The following ANO3 variants were observed in gnomAD, a reference collection of about 807,000 sequenced individuals.
ANO3 encodes anoctamin-3.
In ANO3, 99 loss-of-function variants were observed where a neutral mutation model predicts 144.8. That is an observed-to-expected ratio of 0.68 (90% CI 0.58 to 0.81). The LOEUF is 0.81. Among genes scored for constraint, ANO3 ranks in the 30% least tolerant of loss-of-function variants. The pLI is 0.00. For synonymous variants in ANO3, 414 were observed against 392.6 expected, an observed-to-expected ratio of 1.05 and a Z score of -0.64; for missense variants, 905 against 1,202.2, an observed-to-expected ratio of 0.75 and a Z score of 3.66.
chr11:26,266,882 C>T (rs1182195039), intron 1 of ANO3, among the ~76,000 whole-genome samples: 2 of 150,970 alleles, frequency 1.3e-5, no homozygotes, highest in Non-Finnish European at 3.0e-5. Context: ...GAGATCGAGA[C>T]CATCCTGGCT....
In ANO3 at chr11:26,642,947, T is replaced by A. The variant is rs985705925; in HGVS notation, c.2276-235T>A. 2.0e-5 allele frequency among the ~76,000 whole-genome samples: 3 copies of A among 152,136 alleles called. No individual in the cohort carries two copies. The East Asian group carries it at 5.8e-4, about 29-fold the overall frequency. ...GCATTATATAGAGGTGGAAAGCCCA[T>A]AGACTTTCAATACATTCAGAACTTA... is the stretch of plus-strand genomic sequence containing the variant. On this transcript the variant is annotated intron_variant, in intron 22 of 26. Transcript: ENST00000256737.
chr11:26,247,889 T>A (rs1023310172), intron 1 of ANO3, among the ~76,000 whole-genome samples: 9 of 151,296 alleles, frequency 5.9e-5, no homozygotes, highest in African/African-American at 2.2e-4. Context: ...GCCACCACAC[T>A]CAGCTAATTT....
At chr11:26,630,146 A>C (rs1852729507) in intron 18 of ANO3, among the ~76,000 whole-genome samples, 1 of 152,210 alleles carries the variant, frequency 6.6e-6, no homozygotes. Context: ...ACTTGTCAGA[A>C]GAGTGGATGA....
chr11:26,494,916 G>A (rs1860866532), intron 4 of ANO3, among the ~76,000 whole-genome samples: 2 of 152,030 alleles, frequency 1.3e-5, no homozygotes, highest in Non-Finnish European at 2.9e-5. Context: ...TTAGAGAAGG[G>A]TTATAATCCA....
intron 3 of ANO3, among the ~76,000 whole-genome samples, chr11:26,455,334 C>G (rs1331578301): frequency 1.5e-4 from 23 of 151,110 alleles, no homozygotes; most frequent in Admixed American, 2.6e-4. Context: ...CCCATTGTCT[C>G]AGCCCAAAAT....
intron 1 of ANO3, among the ~76,000 whole-genome samples, chr11:26,209,150 G>C (rs915723488): frequency 6.6e-5 from 10 of 152,008 alleles, no homozygotes; most frequent in African/African-American, 2.4e-4. Context: ...CCCCTAGCCT[G>C]CTACCCCTTG....
intron 1 of ANO3, among the ~76,000 whole-genome samples, chr11:26,423,436 T>G (rs1465154638): frequency 6.6e-6 from 1 of 151,438 alleles, no homozygotes; most frequent in African/African-American, 2.4e-5. Context: ...AATTATTGAA[T>G]AAGTGATTGA....
chr11:26,482,426 A>ATGTGTGTG (rs58664691), intron 4 of ANO3, among the ~76,000 whole-genome samples: 3 of 141,046 alleles, frequency 2.1e-5, no homozygotes, highest in Admixed American at 1.4e-4. Context: ...ACACAGATAT[A>ATGTGTGTG]TGTGTGTGTG....
At chr11:26,423,731 T>C (rs766888713) in intron 1 of ANO3, among the ~76,000 whole-genome samples, 5 of 152,034 alleles carry the variant, frequency 3.3e-5, no homozygotes, top group Non-Finnish European at 4.4e-5. Context: ...ATGGTTTCTA[T>C]ATTCAGAGCT....
At chr11:26,400,854 A>ATC (rs1313444498) in intron 1 of ANO3, among the ~76,000 whole-genome samples, 1 of 150,910 alleles carries the variant, frequency 6.6e-6, no homozygotes, top group African/African-American at 2.4e-5. Context: ...ATATATATAT[A>ATC]TATAGACACA....
intron 1 of ANO3, among the ~76,000 whole-genome samples, chr11:26,261,494 T>C (rs767294243): frequency 6.6e-6 from 1 of 152,186 alleles, no homozygotes; most frequent in Non-Finnish European, 1.5e-5. Context: ...TATTTTACCT[T>C]TCCTTGTTCT....
intron 1 of ANO3, among the ~76,000 whole-genome samples, chr11:26,311,647 T>G (rs1398770130): frequency 6.6e-6 from 1 of 152,146 alleles, no homozygotes; most frequent in Non-Finnish European, 1.5e-5. Context: ...TCAAAAACAA[T>G]TCACAGTTTT....
intron 26 of ANO3, among the ~76,000 whole-genome samples, chr11:26,659,741 AATT>A (rs1271910538): frequency 6.6e-6 from 1 of 152,136 alleles, no homozygotes; most frequent in Non-Finnish European, 1.5e-5. Context: ...TTTATCATAG[AATT>A]ATTATGTAAT....
At chr11:26,605,124 AG>A (rs1851900830) in intron 17 of ANO3, among the ~76,000 whole-genome samples, 2 of 152,180 alleles carry the variant, frequency 1.3e-5, no homozygotes, top group African/African-American at 4.8e-5. Context: ...TTTAACCTGA[AG>A]GGATATTGAA....
At chr11:26,219,050 G>A (rs1456213257) in intron 1 of ANO3, among the ~76,000 whole-genome samples, 1 of 152,124 alleles carries the variant, frequency 6.6e-6, no homozygotes, top group Non-Finnish European at 1.5e-5. Context: ...GTTGCAGGGG[G>A]CTGTCCTGTG....
intron 1 of ANO3, among the ~76,000 whole-genome samples, chr11:26,438,609 G>GAAAAAAAAAAAAAAAAAA (rs1222012718): frequency 2.7e-5 from 2 of 73,300 alleles, no homozygotes; most frequent in Non-Finnish European, 4.8e-5. Flanking sequence ...AAAAAAAAAA[G>GAAAAAAAAAAAAAAAAAA]AAAAAAAAAA....
chr11:26,505,499 A>C (rs998287702), intron 4 of ANO3, among the ~76,000 whole-genome samples: 5 of 152,180 alleles, frequency 3.3e-5, no homozygotes, highest in Non-Finnish European at 7.4e-5. Context: ...ACAAGGAGGG[A>C]GTATATAGGG....
At chr11:26,651,538 TCTCA>T (rs1208663400) in intron 24 of ANO3, among the ~76,000 whole-genome samples, 4 of 152,184 alleles carry the variant, frequency 2.6e-5, no homozygotes, top group African/African-American at 9.6e-5. Flanking sequence ...GTAATGTCAT[TCTCA>T]CTATGTTTTT....
At chr11:26,530,776 G>A (rs1473178277) in intron 7 of ANO3, among the ~76,000 whole-genome samples, 1 of 152,118 alleles carries the variant, frequency 6.6e-6, no homozygotes, top group Non-Finnish European at 1.5e-5. Context: ...GGCTGAGGCA[G>A]GAGAATCGCT....
Sources: gnomAD v4.1 joint callset for allele counts (sites outside exome capture counted in the v4.1 genomes callset) on GRCh38, gnomAD v4.1.1 for gene constraint, MANE v1.5 for transcripts, NCBI Gene and HGNC (gene_info 2026-07-23, HGNC 2026-07-21) for gene names.